The following LRFN5 variants were observed in gnomAD, a reference collection of about 807,000 sequenced individuals.
The protein encoded by LRFN5 is leucine rich repeat and fibronectin type III domain containing 5, also known as leucine-rich repeat and fibronectin type-III domain-containing protein 5.
Under a neutral mutation model 45.6 loss-of-function variants are expected in LRFN5, and 24 were observed. The ratio of observed to expected loss-of-function variants is 0.53; its 90% confidence interval spans 0.38 to 0.74. LRFN5 has a LOEUF of 0.74. Among genes scored for constraint, LRFN5 ranks in the 30% least tolerant of loss-of-function variants. LRFN5 has a pLI of 0.00. For missense variants in LRFN5, 776 were observed against 861.5 expected (o/e 0.90, Z 1.24); for synonymous variants, 340 against 313.8 (o/e 1.08, Z -0.88).
chr14:41,618,676 C>A (rs1256054143), intron 1 of LRFN5, among the ~76,000 whole-genome samples: 2 of 152,122 alleles, frequency 1.3e-5, no homozygotes, highest in East Asian at 3.9e-4. Context: ...TTACTTTAAG[C>A]CACAAAATTA....
chr14:41,651,284 C>T (rs1025710009), intron 1 of LRFN5, among the ~76,000 whole-genome samples: 8 of 152,102 alleles, frequency 5.3e-5, no homozygotes, highest in Admixed American at 5.2e-4. Flanking sequence ...AATGCCCGGT[C>T]ACTCAGCTAA....
intron 1 of LRFN5, among the ~76,000 whole-genome samples, chr14:41,756,079 T>C (rs1594678878): frequency 6.6e-6 from 1 of 152,212 alleles, no homozygotes; most frequent in South Asian, 2.1e-4. Context: ...TGTTTAAAAA[T>C]GTTGAATATT....
At chr14:41,809,555 G>C (rs1887669330) in intron 2 of LRFN5, among the ~76,000 whole-genome samples, 1 of 151,828 alleles carries the variant, frequency 6.6e-6, no homozygotes, top group African/African-American at 2.4e-5. Flanking sequence ...TATAAGTCAA[G>C]TAAGGATGTT....
intron 2 of LRFN5, among the ~76,000 whole-genome samples, chr14:41,883,947 G>A (rs1890476086): frequency 6.6e-6 from 1 of 152,040 alleles, no homozygotes; most frequent in South Asian, 2.1e-4. Context: ...ACAGGTCATT[G>A]GATTTTTGTT....
At chr14:41,863,106 C>T (rs1052969293) in intron 2 of LRFN5, among the ~76,000 whole-genome samples, 2 of 152,004 alleles carry the variant, frequency 1.3e-5, no homozygotes, top group East Asian at 1.9e-4. Flanking sequence ...CCTTGTGATC[C>T]GCCCGCCTCA....
intron 2 of LRFN5, among the ~76,000 whole-genome samples, chr14:41,843,679 T>A (rs1888947540): frequency 1.3e-5 from 2 of 152,158 alleles, no homozygotes. Flanking sequence ...GGCCTTCTTT[T>A]TACTAATAAA....
At chr14:41,754,550 C>A (rs1885289156) in intron 1 of LRFN5, among the ~76,000 whole-genome samples, 3 of 152,032 alleles carry the variant, frequency 2.0e-5, no homozygotes, top group Non-Finnish European at 4.4e-5. Flanking sequence ...AGTTTATTTG[C>A]GTAGAGGTGT....
intron 1 of LRFN5, among the ~76,000 whole-genome samples, chr14:41,671,897 T>A (rs866486771): frequency 6.6e-6 from 1 of 152,134 alleles, no homozygotes; most frequent in South Asian, 2.1e-4. Context: ...AAATTACAGA[T>A]GTGAGCCACT....
chr14:41,720,012 C>T (rs947096745), intron 1 of LRFN5, among the ~76,000 whole-genome samples: 1 of 151,882 alleles, frequency 6.6e-6, no homozygotes, highest in Non-Finnish European at 1.5e-5. Flanking sequence ...GGTACATGTG[C>T]AGGTTTGTCA....
Position 41,887,876 on chromosome 14 carries a change from T to G in LRFN5, c.1251T>G (p.Ser417Arg), listed in dbSNP as rs1289232293. The G allele has an allele frequency of 1.9e-6, 3 of 1,613,914 alleles. No homozygotes were observed. The highest frequency in any genetic ancestry group is 2.5e-6 in the Non-Finnish European group (3 of 1,179,998). The change falls in exon 3 of 6, where the codon AGT (serine) becomes AGG (arginine). Residue 417 changes from serine to arginine, a missense_variant. Around this residue, in one of 2 missense-constraint regions of LRFN5, gnomAD observed 465 missense variants for 456.4 expected, o/e 1.02. Transcript: ENST00000298119. The surrounding 1 kb of genome is among the most constrained non-coding windows in gnomAD (Gnocchi z 4.8). ...GTAGTAATGGTGATACTAAATTGAG[T>G]CAAGATAAAATTGTGGTGGCAGAAG... ...TSSSNGDTKL[S>R]QDKIVVAEAT...
At chr14:41,799,774 A>G (rs1274683518) in intron 2 of LRFN5, among the ~76,000 whole-genome samples, 1 of 152,002 alleles carries the variant, frequency 6.6e-6, no homozygotes, top group Admixed American at 6.6e-5. Flanking sequence ...TTGGAAGTTG[A>G]GGAAGTGTGG....
At chr14:41,873,364 T>TC (rs1250921717) in intron 2 of LRFN5, among the ~76,000 whole-genome samples, 1 of 150,858 alleles carries the variant, frequency 6.6e-6, no homozygotes, top group African/African-American at 2.4e-5. Flanking sequence ...TTCTTAATGC[T>TC]CCGTTTTCCT....
chr14:41,673,232 A>G (rs1250032736), intron 1 of LRFN5, among the ~76,000 whole-genome samples: 4 of 151,884 alleles, frequency 2.6e-5, no homozygotes, highest in East Asian at 3.9e-4. Flanking sequence ...GCTGTTGGGT[A>G]CACCTCCCAG....
intron 2 of LRFN5, among the ~76,000 whole-genome samples, chr14:41,831,954 C>T (rs1053284143): frequency 6.6e-5 from 10 of 152,138 alleles, no homozygotes; most frequent in Admixed American, 5.2e-4. Context: ...CTTGTCCTCA[C>T]CTAGCAGAGA....
intron 1 of LRFN5, among the ~76,000 whole-genome samples, chr14:41,744,556 T>G (rs1263272532): frequency 6.6e-6 from 1 of 152,078 alleles, no homozygotes; most frequent in African/African-American, 2.4e-5. Flanking sequence ...GTAAACAGAT[T>G]AACCACTCCA....
intron 1 of LRFN5, among the ~76,000 whole-genome samples, chr14:41,717,673 T>A (rs1432540436): frequency 3.3e-5 from 5 of 152,150 alleles, no homozygotes; most frequent in Non-Finnish European, 7.4e-5. Flanking sequence ...ATATTAAGGG[T>A]TACACTAGTT....
intron 5 of LRFN5, among the ~76,000 whole-genome samples, chr14:41,902,073 T>C (rs1263417660): frequency 6.6e-6 from 1 of 151,992 alleles, no homozygotes; most frequent in South Asian, 2.1e-4. Context: ...TTCACAGTTC[T>C]TAATTACATT....
At chr14:41,800,615 A>G (rs867557065) in intron 2 of LRFN5, among the ~76,000 whole-genome samples, 4 of 151,918 alleles carry the variant, frequency 2.6e-5, no homozygotes, top group Admixed American at 6.6e-5. Context: ...TGTACTCTAT[A>G]TAAATATGAG....
intron 2 of LRFN5, among the ~76,000 whole-genome samples, chr14:41,828,885 C>A (rs75517277): frequency 0.086 from 13,021 of 151,932 alleles, 1,172 homozygotes; most frequent in East Asian, 0.48. Context: ...AATTTCCTTA[C>A]AACAGGCATC....
Sources: gnomAD v4.1 joint callset for allele counts (sites outside exome capture counted in the v4.1 genomes callset) on GRCh38, gnomAD v4.1.1 for gene constraint, gnomAD v4.1.1 regional missense constraint, Gnocchi (gnomAD v3.1) non-coding constraint, MANE v1.5 for transcripts, NCBI Gene and HGNC (gene_info 2026-07-23, HGNC 2026-07-21) for gene names.